Variants in CERK observed in about 807,000 individuals in gnomAD.
CERK encodes acylsphingosine kinase.
Under a neutral mutation model 63.4 loss-of-function variants are expected in CERK, and 39 were observed. The ratio of observed to expected loss-of-function variants is 0.61; its 90% CI spans 0.48 to 0.80. The LOEUF (loss-of-function observed/expected upper bound fraction) is 0.80. CERK is among the 30% of genes least tolerant of loss of function. CERK has a pLI of 0.00. For synonymous variants in CERK, 302 were observed against 280.0 expected (o/e 1.08, Z -0.78); for missense variants, 670 against 714.1 (o/e 0.94, Z 0.70).
intron 1 of CERK, among the ~76,000 whole-genome samples, chr22:46,734,836 T>C (rs897079592): frequency 7.2e-5 from 11 of 152,250 alleles, no homozygotes; most frequent in African/African-American, 2.2e-4. Flanking sequence ...TTTCTCGATA[T>C]TATTAAATCA....
chr22:46,707,708 G>T, intron 6 of CERK, 135 bp downstream of exon 6: 2 of 984,786 alleles, frequency 2.0e-6, no homozygotes, highest in Non-Finnish European at 1.5e-6. Flanking sequence ...CCCAAGAGTG[G>T]CCCTAATGTT....
At chr22:46,691,903 C>G in intron 10 of CERK, 126 bp from the exon 11 acceptor site, 1 of 662,768 alleles carries the variant, frequency 1.5e-6, no homozygotes, top group Non-Finnish European at 2.6e-6. Context: ...TTCATGCAAT[C>G]GACTCTTCAG....
intron 11 of CERK, 64 bp downstream of exon 11, chr22:46,691,508 C>A (rs1601708408): frequency 7.3e-7 from 1 of 1,367,098 alleles, no homozygotes; most frequent in Non-Finnish European, 1.0e-6. Flanking sequence ...AACACATAAA[C>A]CAGGGACTGC....
intron 1 of CERK, among the ~76,000 whole-genome samples, chr22:46,730,532 C>T (rs1321508461): frequency 6.6e-6 from 1 of 152,288 alleles, no homozygotes; most frequent in East Asian, 1.9e-4. Context: ...ATAGGCTTAG[C>T]AGCAGAATGA....
intron 3 of CERK, among the ~76,000 whole-genome samples, chr22:46,715,209 G>C (rs2082860689): frequency 6.6e-6 from 1 of 152,128 alleles, no homozygotes; most frequent in African/African-American, 2.4e-5. Flanking sequence ...ACTGAGACAA[G>C]GATGCTGCTA....
intron 6 of CERK, among the ~76,000 whole-genome samples, chr22:46,707,179 C>T (rs1021141402): frequency 2.7e-5 from 4 of 145,806 alleles, no homozygotes; most frequent in Non-Finnish European, 4.5e-5. Context: ...CACCATGCCG[C>T]CACCCTCGGG....
At chr22:46,695,633 G>A (rs1388970506) in intron 8 of CERK, among the ~76,000 whole-genome samples, 2 of 152,228 alleles carry the variant, frequency 1.3e-5, no homozygotes, top group Non-Finnish European at 2.9e-5. Flanking sequence ...TCATAGCCTC[G>A]ATGATGTGGC....
chr22:46,691,209 G>A (rs2082729958), intron 11 of CERK, among the ~76,000 whole-genome samples: 1 of 152,052 alleles, frequency 6.6e-6, no homozygotes, highest in Non-Finnish European at 1.5e-5. Context: ...CGAGTAGCTG[G>A]GATTACAGGC....
At position 46,720,932 on chromosome 22, in the gene CERK, G is replaced by T; in HGVS notation, c.226C>A (p.Gln76Lys). Residue 76 changes from glutamine (Q) to lysine (K), a missense_variant, in exon 2 of 13, where the codon CAG (glutamine) becomes AAG (lysine). Coordinates refer to ENST00000216264, the MANE Select transcript of CERK (RefSeq NM_022766.6). ...AAAGCGTAAGGCTTTTCCATTTTCT[G>T]CCATTTTCCACTGCCTTGATGTTTC... ...HGKHQGSGKWQKMEKPYAFTV... is the reference protein window; with the variant it reads ...HGKHQGSGKWKKMEKPYAFTV... 1 of 1,612,250 alleles carries T rather than the reference G, an allele frequency of 6.2e-7. No individual in the cohort carries two copies. The highest frequency in any genetic ancestry group is 8.5e-7 in the Non-Finnish European group (1 of 1,178,486).
intron 8 of CERK, among the ~76,000 whole-genome samples, chr22:46,696,053 G>A (rs748350600): frequency 4.6e-5 from 7 of 152,148 alleles, no homozygotes; most frequent in African/African-American, 1.7e-4. Context: ...TGGCAGTGAC[G>A]GCCTGCAGGG....
At chr22:46,687,987 A>G (rs1274532075) in intron 12 of CERK, among the ~76,000 whole-genome samples, 1 of 152,210 alleles carries the variant, frequency 6.6e-6, no homozygotes, top group East Asian at 1.9e-4. Flanking sequence ...ACCTGAGGTC[A>G]GGAGTTTGAG....
chr22:46,727,471 G>T (rs1436944161), intron 1 of CERK, among the ~76,000 whole-genome samples: 1 of 142,560 alleles, frequency 7.0e-6, no homozygotes, highest in Non-Finnish European at 1.5e-5. Context: ...TTTTTTGAGA[G>T]ATGGGGTCTC....
rs193248575 is a variant in CERK at position 46,700,841 on chromosome 22, A to G, written c.790+795T>C. Among the ~76,000 whole-genome samples the G allele has an allele frequency of 4.4e-3, 672 of 152,162 alleles. 11 individuals carry two copies. Among genetic ancestry groups the G allele is most frequent in the Admixed American group, 0.027 (407 of 15,286 alleles). On this transcript the variant is annotated intron_variant, in intron 7 of 12. Transcript: ENST00000216264. The stretch of plus-strand genomic sequence containing the variant: ...AGCCTGACCAATACGGTGAAACCCC[A>G]TCCCTACTAAAAGTACAAAATGAAC...
chr22:46,704,995 A>G (rs2082806331), intron 6 of CERK, among the ~76,000 whole-genome samples: 1 of 152,230 alleles, frequency 6.6e-6, no homozygotes, highest in Non-Finnish European at 1.5e-5. Context: ...GAGAGTAAAT[A>G]AAGATAGTGA....
chr22:46,695,826 C>T (rs1019784507), intron 8 of CERK, among the ~76,000 whole-genome samples: 12 of 152,246 alleles, frequency 7.9e-5, no homozygotes, highest in African/African-American at 2.9e-4. Context: ...TCCAGGCAAA[C>T]GTGTGCGCTG....
At chr22:46,713,182 G>A (rs2082850075) in intron 3 of CERK, among the ~76,000 whole-genome samples, 1 of 152,022 alleles carries the variant, frequency 6.6e-6, no homozygotes, top group Non-Finnish European at 1.5e-5. Context: ...ATCTACCCAA[G>A]GAAACTGAAA....
chr22:46,736,084 AG>A (rs2082971670), intron 1 of CERK, among the ~76,000 whole-genome samples: 1 of 152,240 alleles, frequency 6.6e-6, no homozygotes, highest in Non-Finnish European at 1.5e-5. Flanking sequence ...CCTCTCCAAG[AG>A]GGACCAAGCT....
chr22:46,702,498 G>A (rs949254192), intron 6 of CERK, among the ~76,000 whole-genome samples: 6 of 152,072 alleles, frequency 3.9e-5, no homozygotes, highest in Non-Finnish European at 7.4e-5. Flanking sequence ...TCACCATGAT[G>A]GCCAGGCTGG....
rs59113699 is a variant in CERK, at chr22:46,684,829, G to A, written c.*2305C>T. On this transcript the variant is annotated 3_prime_UTR_variant, in exon 13 of 13. Coordinates refer to ENST00000216264, the MANE Select transcript of CERK (RefSeq NM_022766.6). Reference sequence around the variant, plus strand: ...GTCTGGGCAGTCACCCCCATCCTGCGCGCAGATAGCAAAGGGCTGCTGGCA... The same window carrying A: ...GTCTGGGCAGTCACCCCCATCCTGCACGCAGATAGCAAAGGGCTGCTGGCA... The A allele has an allele frequency of 6.2e-3, 948 of 152,230 alleles. 8 individuals are homozygous for A. The highest frequency in any genetic ancestry group is 0.022 in the African/African-American group (901 of 41,520). The allele number at this position is 152,230 out of a possible 1,614,324, so 9.4% of individuals were successfully genotyped here. A position where few individuals can be genotyped will look rare whatever the true frequency, so the allele number is the denominator to read the frequency against.
Sources: allele counts gnomAD v4.1 joint callset (sites outside exome capture counted in the v4.1 genomes callset), GRCh38; gene constraint gnomAD v4.1.1; transcripts MANE v1.5; gene names NCBI Gene and HGNC (gene_info 2026-07-23, HGNC 2026-07-21).